GRIN2A: variants seen among roughly 807,000 people sequenced by gnomAD.
GRIN2A encodes the protein glutamate receptor ionotropic, NMDA 2A.
GRIN2A carries 22 observed loss-of-function variants against 113.4 expected under a neutral mutation model. The ratio of observed to expected loss-of-function variants is 0.19; its 90% CI spans 0.14 to 0.28. The LOEUF is 0.28. Among genes scored for constraint, GRIN2A ranks in the 10% least tolerant of loss-of-function variants. The pLI is 1.00. For missense variants in GRIN2A, 1,502 were observed against 1,887.0 expected, an observed-to-expected ratio of 0.80 and a Z score of 3.78; for synonymous variants, 827 against 738.4, an observed-to-expected ratio of 1.12 and a Z score of -1.94.
chr16:9,977,758 TACAC>T (rs900398039), intron 2 of GRIN2A, among the ~76,000 whole-genome samples: 3 of 151,846 alleles, frequency 2.0e-5, no homozygotes, highest in Non-Finnish European at 1.5e-5. Context: ...CACACACACA[TACAC>T]ACACACTTCA....
intron 2 of GRIN2A, among the ~76,000 whole-genome samples, chr16:10,012,302 T>A (rs1415732188): frequency 2.0e-5 from 3 of 152,224 alleles, no homozygotes; most frequent in Non-Finnish European, 2.9e-5. Flanking sequence ...TTAAAGAACT[T>A]AAAGTTCCTT....
intron 10 of GRIN2A, among the ~76,000 whole-genome samples, chr16:9,815,378 G>C (rs1482110588): frequency 1.7e-5 from 2 of 116,670 alleles, no homozygotes. Flanking sequence ...TTGATATCCA[G>C]AATATACAGA....
At chr16:9,834,607 C>T (rs1476782064) in intron 7 of GRIN2A, among the ~76,000 whole-genome samples, 1 of 152,144 alleles carries the variant, frequency 6.6e-6, no homozygotes, top group African/African-American at 2.4e-5. Context: ...GTCTCAAACT[C>T]CTGACCTCAG....
At chr16:9,926,871 T>A (rs1161929663) in intron 3 of GRIN2A, among the ~76,000 whole-genome samples, 1 of 151,814 alleles carries the variant, frequency 6.6e-6, no homozygotes, top group African/African-American at 2.4e-5. Context: ...TGAAATCTGA[T>A]GATAGTGTTT....
Position 9,756,182 on chromosome 16 carries a change from T to G in GRIN2A, c.*6967A>C, listed in dbSNP as rs1900342510. On this transcript the variant is annotated 3_prime_UTR_variant, in exon 13 of 13. Coordinates refer to ENST00000330684, the MANE Select transcript of GRIN2A (RefSeq NM_001134407.3). ...AGAGCATGTACTATGTATATATGTT[T>G]AATGGAATTAGCCCTGATGTTGACT... 2 of 227,726 alleles carry G rather than the reference T, an allele frequency of 8.8e-6. No homozygotes were observed. The highest frequency in any genetic ancestry group is 1.1e-4 in the Admixed American group (2 of 17,594). The allele number at this position is 227,726 out of a possible 1,614,324, so 14.1% of individuals were successfully genotyped here.
chr16:9,766,101 C>T (rs947806898), intron 12 of GRIN2A, among the ~76,000 whole-genome samples: 14 of 152,270 alleles, frequency 9.2e-5, no homozygotes, highest in South Asian at 2.1e-4. Context: ...TTTCAGCAGC[C>T]GTACCTACAG....
chr16:10,099,472 C>T lies in GRIN2A; in HGVS notation c.414+80526G>A, dbSNP rs547652340. ...GGAAAGAGAATGCCATCCTGTCTCC[C>T]TCCCTTGCACCCCCTTCCTCAGCTA... On this transcript the variant is annotated intron_variant, in intron 2 of 12. Coordinates refer to ENST00000330684, the MANE Select transcript of GRIN2A (RefSeq NM_001134407.3). Among the ~76,000 whole-genome samples, 5 of 126,922 alleles carry T rather than the reference C, an allele frequency of 3.9e-5. No homozygotes were observed. The South Asian group carries it at 8.1e-4, about 21-fold the overall frequency. The allele number at this position is 126,922 out of a possible 152,430, so 83.3% of individuals were successfully genotyped here.
At chr16:9,971,903 T>G (rs1447875102) in intron 2 of GRIN2A, among the ~76,000 whole-genome samples, 1 of 152,190 alleles carries the variant, frequency 6.6e-6, no homozygotes, top group Non-Finnish European at 1.5e-5. Context: ...GGGCTCATCA[T>G]AGAGTTCTAC....
intron 3 of GRIN2A, among the ~76,000 whole-genome samples, chr16:9,915,375 T>A (rs2044228592): frequency 6.6e-6 from 1 of 151,766 alleles, no homozygotes; most frequent in Admixed American, 6.6e-5. Context: ...ATAGCCACCT[T>A]CCTTAAGAAC....
chr16:9,922,822 T>G (rs1012608446), intron 3 of GRIN2A, among the ~76,000 whole-genome samples: 4 of 152,226 alleles, frequency 2.6e-5, no homozygotes, highest in African/African-American at 4.8e-5. Context: ...AGTTATTAGA[T>G]TCTAATTAAT....
At chr16:10,137,353 A>C (rs1475097332) in intron 2 of GRIN2A, among the ~76,000 whole-genome samples, 1 of 152,068 alleles carries the variant, frequency 6.6e-6, no homozygotes, top group Non-Finnish European at 1.5e-5. Context: ...AGCAGGCCTG[A>C]CTCTAAAGTC....
At chr16:9,936,815 A>C (rs2044723584) in intron 3 of GRIN2A, among the ~76,000 whole-genome samples, 1 of 152,224 alleles carries the variant, frequency 6.6e-6, no homozygotes, top group African/African-American at 2.4e-5. Flanking sequence ...CAGGAGCACT[A>C]GTGTGGGAAG....
At chr16:9,962,738 A>T (rs1247649399) in intron 2 of GRIN2A, among the ~76,000 whole-genome samples, 1 of 152,142 alleles carries the variant, frequency 6.6e-6, no homozygotes, top group Non-Finnish European at 1.5e-5. Flanking sequence ...CTAGAACTAG[A>T]AATACCATTT....
At chr16:10,181,333 A>AG (rs551421780) in intron 1 of GRIN2A, among the ~76,000 whole-genome samples, 238 of 152,316 alleles carry the variant, frequency 1.6e-3, no homozygotes, top group African/African-American at 4.4e-3. Flanking sequence ...GAACGTGCGT[A>AG]GGGGGAAAGG....
chr16:9,948,066 G>A (rs190860427), intron 2 of GRIN2A, among the ~76,000 whole-genome samples: 1 of 152,292 alleles, frequency 6.6e-6, no homozygotes, highest in African/African-American at 2.4e-5. Context: ...TGGCAAAGGA[G>A]CTCTTATCGC....
At chr16:9,939,348 C>T (rs549318600) in intron 2 of GRIN2A, among the ~76,000 whole-genome samples, 3 of 152,126 alleles carry the variant, frequency 2.0e-5, no homozygotes, top group African/African-American at 7.2e-5. Flanking sequence ...ATCATGGCAC[C>T]GAAAGGAGGC....
intron 2 of GRIN2A, among the ~76,000 whole-genome samples, chr16:10,145,109 C>T (rs1322533967): frequency 6.6e-6 from 1 of 151,914 alleles, no homozygotes; most frequent in Non-Finnish European, 1.5e-5. Context: ...CATGATTCCA[C>T]CCATACAGGA....
chr16:9,763,181 T>G lies in GRIN2A; in HGVS notation c.4363A>C (p.Lys1455Gln). 1 of 1,614,048 alleles carries G rather than the reference T, an allele frequency of 6.2e-7. No homozygotes were observed. The highest frequency in any genetic ancestry group is 8.5e-7 in the Non-Finnish European group (1 of 1,179,884). Residue 1455 changes from lysine to glutamine, a missense_variant, in exon 13 of 13, where the codon AAG becomes CAG. By Grantham distance (53) the Lys-to-Gln change is moderately conservative. Transcript: ENST00000330684. ...TCAGATTCGATACTAGGCATTTTCT[T>G]GTACACGCGTCTATTGCTGCAGGAA... Reference protein sequence around the residue: ...LNSCSNRRVYKKMPSIESDV With the variant: ...LNSCSNRRVYQKMPSIESDV
chr16:9,832,449 C>G (rs2042513459), intron 8 of GRIN2A, among the ~76,000 whole-genome samples: 1 of 152,126 alleles, frequency 6.6e-6, no homozygotes, highest in African/African-American at 2.4e-5. Flanking sequence ...ACTATCATGT[C>G]ACTATGTTTT....
Sources: gnomAD v4.1 joint callset for allele counts (sites outside exome capture counted in the v4.1 genomes callset) on GRCh38, gnomAD v4.1.1 for gene constraint, MANE v1.5 for transcripts, NCBI Gene and HGNC (gene_info 2026-07-23, HGNC 2026-07-21) for gene names.